The following TMEM117 variants were observed in gnomAD, a reference collection of about 807,000 sequenced individuals.
TMEM117 encodes transmembrane protein 117.
A neutral mutation model predicts 52.4 loss-of-function variants in TMEM117; 27 were observed. That is an observed-to-expected ratio of 0.51 (90% CI 0.38 to 0.71). The LOEUF (loss-of-function observed/expected upper bound fraction) is 0.71. Among genes scored for constraint, TMEM117 ranks in the 30% least tolerant of loss-of-function variants. The pLI is 0.00. For missense variants in TMEM117, 556 were observed against 630.5 expected (o/e 0.88, Z 1.26); for synonymous variants, 215 against 206.3 (o/e 1.04, Z -0.36).
At chr12:44,130,756 GT>G (rs963447145) in intron 3 of TMEM117, among the ~76,000 whole-genome samples, 8 of 150,010 alleles carry the variant, frequency 5.3e-5, no homozygotes, top group East Asian at 2.0e-4. Flanking sequence ...ATTTGTAAAT[GT>G]TTTTTTTTCT....
At chr12:44,260,743 A>T (rs1022416647) in intron 5 of TMEM117, among the ~76,000 whole-genome samples, 1 of 152,182 alleles carries the variant, frequency 6.6e-6, no homozygotes, top group Non-Finnish European at 1.5e-5. Context: ...TCTTGTTTAA[A>T]ACCATCCTCC....
intron 3 of TMEM117, among the ~76,000 whole-genome samples, chr12:44,027,317 G>A (rs1048129637): frequency 5.9e-5 from 9 of 151,810 alleles, no homozygotes; most frequent in African/African-American, 2.2e-4. Context: ...GGGATTACAA[G>A]CATTCACCAC....
chr12:43,976,518 A>T (rs1945673201), intron 3 of TMEM117, among the ~76,000 whole-genome samples: 1 of 152,176 alleles, frequency 6.6e-6, no homozygotes, highest in South Asian at 2.1e-4. Context: ...GAGCATCCTA[A>T]GCACGAATCA....
chr12:44,317,130 C>T (rs1466701061), intron 6 of TMEM117, among the ~76,000 whole-genome samples: 1 of 148,584 alleles, frequency 6.7e-6, no homozygotes, highest in African/African-American at 2.5e-5. Flanking sequence ...TGCTGGAGAT[C>T]TAGTGTGATC....
At chr12:44,338,079 AT>A in intron 6 of TMEM117, among the ~76,000 whole-genome samples, 1 of 152,138 alleles carries the variant, frequency 6.6e-6, no homozygotes. Flanking sequence ...TATAAGAAGT[AT>A]TTTTAAAGGT....
the TMEM117 span, chr12:43,797,318 G>C: frequency 6.3e-7 from 1 of 1,593,432 alleles, no homozygotes. Flanking sequence ...ACTCTAAATA[G>C]TCTCCTTCAT....
intron 3 of TMEM117, among the ~76,000 whole-genome samples, chr12:44,007,076 G>A (rs1282240911): frequency 6.6e-6 from 1 of 152,150 alleles, no homozygotes; most frequent in Admixed American, 6.5e-5. Context: ...GATGGGTAGT[G>A]CATGTACCTT....
chr12:44,006,730 T>C (rs1946203125), intron 3 of TMEM117, among the ~76,000 whole-genome samples: 1 of 152,206 alleles, frequency 6.6e-6, no homozygotes, highest in African/African-American at 2.4e-5. Context: ...AGATATCTCA[T>C]AGCTCCACTT....
chr12:44,274,702 G>A (rs1380773196), intron 5 of TMEM117, among the ~76,000 whole-genome samples: 1 of 152,036 alleles, frequency 6.6e-6, no homozygotes, highest in African/African-American at 2.4e-5. Context: ...ATACACGTTG[G>A]AAAAGATAGT....
intron 6 of TMEM117, among the ~76,000 whole-genome samples, chr12:44,324,737 C>G (rs1201772395): frequency 1.3e-5 from 2 of 152,094 alleles, no homozygotes; most frequent in Non-Finnish European, 2.9e-5. Context: ...TTTCAGGTCA[C>G]AATATGTTGC....
At chr12:44,092,170 A>G (rs963159178) in intron 3 of TMEM117, among the ~76,000 whole-genome samples, 1 of 152,198 alleles carries the variant, frequency 6.6e-6, no homozygotes, top group African/African-American at 2.4e-5. Flanking sequence ...TTTATAATAA[A>G]ATAACACAGA....
chr12:44,207,253 T>C (rs17094227), intron 4 of TMEM117, among the ~76,000 whole-genome samples: 21,104 of 152,144 alleles, frequency 0.14, 3,927 homozygotes, highest in African/African-American at 0.43. Flanking sequence ...TCTATTTTGG[T>C]CTTGTATCCC....
intron 2 of TMEM117, among the ~76,000 whole-genome samples, chr12:43,892,153 T>C (rs945706569): frequency 1.3e-5 from 2 of 152,068 alleles, no homozygotes; most frequent in Non-Finnish European, 2.9e-5. Context: ...GGATTTATTA[T>C]GGAGAAAGAA....
rs566321887 is a variant in TMEM117, at chr12:43,968,821, G to A, written c.410+24479G>A. 1.8e-3 allele frequency among the ~76,000 whole-genome samples: 277 copies of A among 152,224 alleles called. 1 individual carries two copies. The highest frequency in any genetic ancestry group is 6.5e-3 in the African/African-American group (272 of 41,532). ...TGCTGTTTCAGTTATTTATGAGAAA[G>A]TACCCGTATTTAAAACTGTTTCCAG... On this transcript the variant is annotated intron_variant, in intron 3 of 7. Coordinates refer to ENST00000266534, the MANE Select transcript of TMEM117 (RefSeq NM_032256.3).
chr12:43,950,986 C>T (rs771912401), intron 3 of TMEM117, among the ~76,000 whole-genome samples: 30 of 152,050 alleles, frequency 2.0e-4, no homozygotes, highest in Non-Finnish European at 4.0e-4. Context: ...GCAGTGGGTG[C>T]GCCCCATGGA....
chr12:44,187,361 C>T (rs929593935), intron 4 of TMEM117, among the ~76,000 whole-genome samples: 5 of 151,852 alleles, frequency 3.3e-5, no homozygotes, highest in Non-Finnish European at 5.9e-5. Flanking sequence ...TATATTATTC[C>T]CTGTAAGCAT....
chr12:43,857,410 C>T (rs1943419859), intron 2 of TMEM117, among the ~76,000 whole-genome samples: 1 of 150,722 alleles, frequency 6.6e-6, no homozygotes. Context: ...ACGTCCTTTT[C>T]TCATTTCCTA....
At chr12:44,378,120 C>G (rs138260245) in intron 7 of TMEM117, among the ~76,000 whole-genome samples, 9 of 152,196 alleles carry the variant, frequency 5.9e-5, no homozygotes, top group African/African-American at 2.2e-4. Flanking sequence ...GGGGCTTTTG[C>G]GTAGACCATC....
chr12:44,367,992 C>T (rs1328234428), intron 6 of TMEM117, among the ~76,000 whole-genome samples: 1 of 152,118 alleles, frequency 6.6e-6, no homozygotes, highest in Non-Finnish European at 1.5e-5. Context: ...CAGTTTATAA[C>T]TGTCCACATC....
Sources: gnomAD v4.1 joint callset for allele counts (sites outside exome capture counted in the v4.1 genomes callset) on GRCh38, gnomAD v4.1.1 for gene constraint, MANE v1.5 for transcripts, NCBI Gene and HGNC (gene_info 2026-07-23, HGNC 2026-07-21) for gene names.